The following DSE variants were observed in gnomAD, a reference collection of about 807,000 sequenced individuals.
The protein encoded by DSE is dermatan-sulfate epimerase.
Under a neutral mutation model 84.4 loss-of-function variants are expected in DSE, and 36 were observed. The observed-to-expected ratio is 0.43, with a 90% CI of 0.33 to 0.56. DSE has a LOEUF of 0.56. Ranked by LOEUF, DSE falls within the 20% of genes least tolerant of loss-of-function variation. The pLI is 0.06. For missense variants in DSE, 862 were observed against 1,169.6 expected, an observed-to-expected ratio of 0.74 and a Z score of 3.84; for synonymous variants, 410 against 430.1, an observed-to-expected ratio of 0.95 and a Z score of 0.58.
chr6:116,325,783 C>T (rs995860229), intron 2 of DSE, among the ~76,000 whole-genome samples: 4 of 152,178 alleles, frequency 2.6e-5, no homozygotes, highest in Admixed American at 6.5e-5. Flanking sequence ...CAAAACTCCT[C>T]AGACACCAAG....
intron 2 of DSE, among the ~76,000 whole-genome samples, chr6:116,327,436 A>G (rs1776686280): frequency 6.6e-6 from 1 of 152,232 alleles, no homozygotes; most frequent in Non-Finnish European, 1.5e-5. Flanking sequence ...TGTGACCTGG[A>G]TAATCATAAC....
At chr6:116,342,135 A>AT (rs1253193047) in intron 2 of DSE, among the ~76,000 whole-genome samples, 4 of 151,856 alleles carry the variant, frequency 2.6e-5, no homozygotes, top group Admixed American at 1.3e-4. Context: ...TTGTTCAATT[A>AT]TTTTTTTTCC....
In DSE at chr6:116,387,018, A is replaced by G. The variant is rs117071823; in HGVS notation, c.-53-12180A>G. ...TGTCAAGAACGGTTTAGCTAAATTC[A>G]TAAATGAGTGAACCAGATTAGATTG... On this transcript the variant is annotated intron_variant, in intron 1 of 5. Transcript: ENST00000644252. Among the ~76,000 whole-genome samples the G allele has an allele frequency of 6.2e-3, 939 of 152,350 alleles. 6 individuals are homozygous for G. Among genetic ancestry groups the G allele is most frequent in the Non-Finnish European group, 8.7e-3 (595 of 68,038 alleles).
rs1163309251 is a variant in DSE at position 116,279,902 on chromosome 6, G to C, written c.-54+20935G>C. 8.8e-6 allele frequency: 14 copies of C among 1,597,646 alleles called. No homozygotes were observed. The East Asian group carries it at 3.1e-4, about 36-fold the overall frequency. ...GAGGCCGAACTGGGAGCTAACCGCC[G>C]CTCGCACCGCCCACCCTACAGTCTC... is the stretch of plus-strand genomic sequence containing the variant. On this transcript the variant is annotated intron_variant, in intron 2 of 3. Transcript: ENST00000430252.
chr6:116,272,612 G>A (rs1357775778), intron 2 of DSE, among the ~76,000 whole-genome samples: 1 of 152,158 alleles, frequency 6.6e-6, no homozygotes, highest in Non-Finnish European at 1.5e-5. Flanking sequence ...GACAAAACTG[G>A]GAAGGGAGTA....
At chr6:116,279,970 C>T in intron 2 of DSE, 5 of 1,250,914 alleles carry the variant, frequency 4.0e-6, no homozygotes, top group Non-Finnish European at 5.8e-6. Flanking sequence ...GGAGATCTCA[C>T]GGTATCGCGA....
chr6:116,276,992 T>A (rs1773172063), intron 2 of DSE: 4 of 152,218 alleles, frequency 2.6e-5, no homozygotes, highest in Admixed American at 2.0e-4. Flanking sequence ...AGGAATATAG[T>A]TTAACAGAAA....
chr6:116,292,284 G>C (rs1288105988), intron 2 of DSE, among the ~76,000 whole-genome samples: 2 of 152,080 alleles, frequency 1.3e-5, no homozygotes, highest in African/African-American at 4.8e-5. Context: ...GAAAGAACCA[G>C]AAGAGTGTTG....
intron 2 of DSE, among the ~76,000 whole-genome samples, chr6:116,283,195 A>C (rs935514895): frequency 6.6e-6 from 1 of 152,198 alleles, no homozygotes; most frequent in African/African-American, 2.4e-5. Context: ...AAATTTCATA[A>C]AAGAGGAAAC....
intron 2 of DSE, among the ~76,000 whole-genome samples, chr6:116,269,373 T>G (rs914395957): frequency 2.0e-5 from 3 of 152,248 alleles, no homozygotes; most frequent in African/African-American, 7.2e-5. Context: ...ATTTTTATGC[T>G]AAGAATTACA....
intron 2 of DSE, among the ~76,000 whole-genome samples, chr6:116,298,901 A>T (rs1774825080): frequency 6.6e-6 from 1 of 152,150 alleles, no homozygotes; most frequent in African/African-American, 2.4e-5. Flanking sequence ...ACTCCTAAAT[A>T]AAAAATCGTT....
intron 2 of DSE, among the ~76,000 whole-genome samples, chr6:116,273,833 TG>T (rs981418206): frequency 1.2e-4 from 10 of 86,062 alleles, no homozygotes; most frequent in East Asian, 1.2e-3. Context: ...TATGTTTTTT[TG>T]TTTTTTTTTT....
intron 1 of DSE, among the ~76,000 whole-genome samples, chr6:116,390,580 TTAAAA>T (rs1780840876): frequency 6.6e-6 from 1 of 152,100 alleles, no homozygotes; most frequent in African/African-American, 2.4e-5. Flanking sequence ...GAAAATAATA[TTAAAA>T]TAAAAAATTC....
At chr6:116,423,780 C>T (rs982349993) in intron 2 of DSE, among the ~76,000 whole-genome samples, 9 of 152,060 alleles carry the variant, frequency 5.9e-5, no homozygotes, top group African/African-American at 1.9e-4. Flanking sequence ...TGGGTAAGAT[C>T]GTGTTGGTGA....
intron 2 of DSE, among the ~76,000 whole-genome samples, chr6:116,348,435 CA>C (rs111687814): frequency 3.5e-5 from 5 of 141,872 alleles, no homozygotes; most frequent in African/African-American, 7.7e-5. Flanking sequence ...TCAAAAAAAA[CA>C]AAAAAAAACA....
chr6:116,386,207 TGTG>T (rs1444433340), intron 1 of DSE, among the ~76,000 whole-genome samples: 3 of 152,342 alleles, frequency 2.0e-5, no homozygotes, highest in Non-Finnish European at 2.9e-5. Flanking sequence ...AAGAGAAAGA[TGTG>T]GTGAAAGTAT....
intron 2 of DSE, among the ~76,000 whole-genome samples, chr6:116,274,221 T>TACG (rs1413134762): frequency 2.0e-5 from 3 of 152,038 alleles, no homozygotes; most frequent in Non-Finnish European, 4.4e-5. Context: ...ACTGTTAAAA[T>TACG]ACGACTGAAA....
intron 1 of DSE, among the ~76,000 whole-genome samples, chr6:116,382,911 A>G (rs1780332031): frequency 6.6e-6 from 1 of 152,202 alleles, no homozygotes; most frequent in Non-Finnish European, 1.5e-5. Context: ...GAAGGTTTAA[A>G]AGAGTATATG....
At chr6:116,329,589 T>C (rs114837905) in intron 2 of DSE, among the ~76,000 whole-genome samples, 6,531 of 152,324 alleles carry the variant, frequency 0.043, 481 homozygotes, top group African/African-American at 0.15. Flanking sequence ...AAAGATTTCA[T>C]CACTATTTCC....
Sources: gnomAD v4.1 joint callset for allele counts (sites outside exome capture counted in the v4.1 genomes callset) on GRCh38, gnomAD v4.1.1 for gene constraint, MANE v1.5 for transcripts, NCBI Gene and HGNC (gene_info 2026-07-23, HGNC 2026-07-21) for gene names.